The following SUCLA2 variants were observed in gnomAD, a reference collection of about 807,000 sequenced individuals.
The protein encoded by SUCLA2 is succinate-CoA ligase ADP-forming subunit beta, also known as succinate--CoA ligase [ADP-forming] subunit beta, mitochondrial.
Under a neutral mutation model 54.8 loss-of-function variants are expected in SUCLA2, and 30 were observed. The observed-to-expected ratio is 0.55, with a 90% CI of 0.41 to 0.74. The LOEUF is 0.74. SUCLA2 is among the 30% of genes least tolerant of loss of function. The pLI is 0.00. For missense variants in SUCLA2, 476 were observed against 562.9 expected (o/e 0.85, Z 1.56); for synonymous variants, 172 against 188.9 (o/e 0.91, Z 0.74).
At chr13:47,975,670 C>A (rs1038352684) in intron 4 of SUCLA2, among the ~76,000 whole-genome samples, 1 of 152,082 alleles carries the variant, frequency 6.6e-6, no homozygotes, top group Non-Finnish European at 1.5e-5. Context: ...ACCATGTATT[C>A]GATTTCTGTA....
At chr13:47,966,943 C>G (rs746194294) in intron 6 of SUCLA2, among the ~76,000 whole-genome samples, 3 of 152,034 alleles carry the variant, frequency 2.0e-5, no homozygotes, top group Non-Finnish European at 4.4e-5. Flanking sequence ...TCGCTTGAGC[C>G]CAGAAGTTTA....
chr13:47,943,585 A>C lies in SUCLA2; in HGVS notation c.1318-140T>G, dbSNP rs533597744. ...TTGCTATAAATCACATTACGTTCTT[A>C]TAAGCAAATGACATTCTCAAAGGAT... On this transcript the variant is annotated intron_variant, in intron 10 of 10. Transcript: ENST00000646932. 1.9e-5 allele frequency: 14 copies of C among 733,404 alleles called. No homozygotes were observed. The African/African-American group carries it at 2.5e-4, about 13-fold the overall frequency. 45.4% of individuals were successfully genotyped at this position (733,404 alleles called of 1,614,324 possible).
In SUCLA2 at chr13:47,949,519, A is replaced by G; in HGVS notation, c.1192T>C (p.Leu398=). Residue 398 remains leucine (L), a synonymous_variant, in exon 9 of 11, where the codon TTG becomes CTG. Coordinates refer to ENST00000646932, the MANE Select transcript of SUCLA2 (RefSeq NM_003850.3). ...AQGIVMAVKD[L]EIKIPVVVRL... The stretch of plus-strand genomic sequence containing the variant: ...ACCACAACAGGTATTTTAATTTCCA[A>G]GTCTTTTACTGCCATGACTATACCC... 1.2e-6 allele frequency: 2 copies of G among 1,613,662 alleles called. No individual in the cohort carries two copies. The highest frequency in any genetic ancestry group is 2.7e-5 in the African/African-American group (2 of 75,030).
At chr13:47,964,644 C>T (rs7324541) in intron 6 of SUCLA2, among the ~76,000 whole-genome samples, 108,161 of 151,958 alleles carry the variant, frequency 0.71, 39,807 homozygotes, top group Non-Finnish European at 0.81. Flanking sequence ...GATCACAAGG[C>T]CAGGAGATCG....
intron 2 of SUCLA2, among the ~76,000 whole-genome samples, chr13:47,991,878 C>G (rs145101437): frequency 7.4e-4 from 112 of 152,226 alleles, no homozygotes; most frequent in African/African-American, 2.4e-3. Flanking sequence ...ACAAATGTAT[C>G]ACAACTAATA....
At chr13:47,968,812 T>G in intron 5 of SUCLA2, 79 bp from the exon 6 acceptor site, 1 of 1,482,134 alleles carries the variant, frequency 6.7e-7, no homozygotes, top group Non-Finnish European at 9.1e-7. Flanking sequence ...AGCCTTGTAG[T>G]TTATCACTTA....
intron 2 of SUCLA2, among the ~76,000 whole-genome samples, chr13:47,996,162 AAAT>A (rs1168479726): frequency 1.3e-5 from 2 of 151,956 alleles, no homozygotes; most frequent in Non-Finnish European, 2.9e-5. Context: ...TCTCTACTAA[AAAT>A]ACAAAAAAAT....
chr13:47,977,730 A>T (rs1239616188), intron 4 of SUCLA2, among the ~76,000 whole-genome samples: 1 of 152,192 alleles, frequency 6.6e-6, no homozygotes, highest in Non-Finnish European at 1.5e-5. Flanking sequence ...CCCTTTCACG[A>T]TAAAAATACT....
At chr13:47,973,612 A>T (rs1047268594) in intron 4 of SUCLA2, among the ~76,000 whole-genome samples, 3 of 152,246 alleles carry the variant, frequency 2.0e-5, no homozygotes, top group African/African-American at 7.2e-5. Context: ...GAAGAAAATA[A>T]TGGCTTGCCT....
intron 1 of SUCLA2, among the ~76,000 whole-genome samples, chr13:47,997,775 T>C (rs1387018348): frequency 6.6e-6 from 1 of 152,184 alleles, no homozygotes; most frequent in Non-Finnish European, 1.5e-5. Context: ...ACACACAGTG[T>C]CCTAAGAATT....
intron 2 of SUCLA2, among the ~76,000 whole-genome samples, chr13:47,992,636 T>A (rs1950158859): frequency 3.9e-5 from 6 of 152,236 alleles, no homozygotes. Context: ...ACTGCTCTAG[T>A]CAGACAAGAT....
intron 4 of SUCLA2, among the ~76,000 whole-genome samples, chr13:47,977,899 T>G (rs1014248646): frequency 3.9e-5 from 6 of 152,080 alleles, no homozygotes; most frequent in African/African-American, 1.4e-4. Flanking sequence ...AAATCATGAG[T>G]GAACTCCCAT....
chr13:47,962,980 T>C (rs1949883497), intron 6 of SUCLA2, among the ~76,000 whole-genome samples: 1 of 152,194 alleles, frequency 6.6e-6, no homozygotes, highest in Non-Finnish European at 1.5e-5. Flanking sequence ...CATGACTGCT[T>C]CCTTGCCCCT....
intron 6 of SUCLA2, chr13:47,965,527 AAC>A: frequency 2.6e-6 from 1 of 390,690 alleles, no homozygotes; most frequent in Non-Finnish European, 4.5e-6. Flanking sequence ...AAAAAAAAAA[AAC>A]AAAGAAAAAC....
intron 4 of SUCLA2, among the ~76,000 whole-genome samples, chr13:47,978,864 A>T (rs1950038647): frequency 6.6e-6 from 1 of 152,272 alleles, no homozygotes; most frequent in Admixed American, 6.5e-5. Context: ...GGATATGAAC[A>T]GATACTTTTC....
In SUCLA2 at chr13:47,946,593, T is replaced by TTAA. The variant is rs1555255879; in HGVS notation, c.1317+2346_1317+2347insTTA. ...ACAAAAGGTTGTGTTTTTTTTTTTT[T>TTAA]AAAAAAAGCAATCCCTTTAAAAACA... On this transcript the variant is annotated intron_variant, in intron 10 of 10. Coordinates refer to ENST00000646932, the MANE Select transcript of SUCLA2 (RefSeq NM_003850.3). Among the ~76,000 whole-genome samples, 172 of 149,924 alleles carry TTAA rather than the reference T, an allele frequency of 1.1e-3. 1 individual carries two copies. Among genetic ancestry groups the TTAA allele is most frequent in the South Asian group, 8.4e-3 (40 of 4,740 alleles).
At chr13:47,964,672 A>G (rs1380192850) in intron 6 of SUCLA2, among the ~76,000 whole-genome samples, 1 of 152,044 alleles carries the variant, frequency 6.6e-6, no homozygotes, top group Non-Finnish European at 1.5e-5. Flanking sequence ...CCTGGCTAAC[A>G]CGGTGAAACC....
At chr13:47,994,691 G>A (rs865913322) in intron 2 of SUCLA2, 11 of 259,944 alleles carry the variant, frequency 4.2e-5, no homozygotes, top group African/African-American at 1.6e-4. Flanking sequence ...TTAATTATTA[G>A]TCTCCCTCCC....
At chr13:47,962,920 A>G (rs986800822) in intron 6 of SUCLA2, among the ~76,000 whole-genome samples, 1 of 152,142 alleles carries the variant, frequency 6.6e-6, no homozygotes, top group Non-Finnish European at 1.5e-5. Context: ...AAGAACTGCA[A>G]CTCACCAGAT....
Sources: gnomAD v4.1 joint callset for allele counts (sites outside exome capture counted in the v4.1 genomes callset) on GRCh38, gnomAD v4.1.1 for gene constraint, MANE v1.5 for transcripts, NCBI Gene and HGNC (gene_info 2026-07-23, HGNC 2026-07-21) for gene names.